The following NPM1 variants were observed in gnomAD, a reference collection of about 807,000 sequenced individuals.
The protein encoded by NPM1 is nucleophosmin.
Under a neutral mutation model 44.1 loss-of-function variants are expected in NPM1, and 1 was observed. The observed-to-expected ratio is 0.02, with a 90% CI of 0.01 to 0.11. The LOEUF is 0.11. Ranked by LOEUF, NPM1 falls within the 10% of genes least tolerant of loss-of-function variation. The pLI, the probability that NPM1 is intolerant of heterozygous loss-of-function variation, is 1.00. For missense variants in NPM1, 197 were observed against 347.8 expected, an observed-to-expected ratio of 0.57 and a Z score of 3.45; for synonymous variants, 126 against 111.8, an observed-to-expected ratio of 1.13 and a Z score of -0.80.
chr5:171,405,960 G>T (rs1771539016), intron 9 of NPM1, among the ~76,000 whole-genome samples: 1 of 152,106 alleles, frequency 6.6e-6, no homozygotes, highest in African/African-American at 2.4e-5. Context: ...GTTTCCTTTT[G>T]TCTTAAATAA....
intron 6 of NPM1, among the ~76,000 whole-genome samples, chr5:171,395,143 G>A (rs779505627): frequency 3.9e-5 from 6 of 152,146 alleles, no homozygotes; most frequent in Non-Finnish European, 7.3e-5. Flanking sequence ...ATGCGCCACC[G>A]TGTTCCATCC....
chr5:171,389,761 A>T (rs1366906693), intron 1 of NPM1, among the ~76,000 whole-genome samples: 1 of 152,246 alleles, frequency 6.6e-6, no homozygotes, highest in African/African-American at 2.4e-5. Context: ...TAATTGCTTC[A>T]GGTTGAGATT....
At chr5:171,392,561 TA>T in intron 4 of NPM1, 148 bp from the exon 5 acceptor site, 1 of 547,070 alleles carries the variant, frequency 1.8e-6, no homozygotes, top group Non-Finnish European at 3.1e-6. Context: ...ATACTTTTGT[TA>T]AAAAGTTCCT....
At chr5:171,408,797 A>G (rs1255209477) in intron 10 of NPM1, among the ~76,000 whole-genome samples, 3 of 152,222 alleles carry the variant, frequency 2.0e-5, no homozygotes. Flanking sequence ...AATAGTGGAA[A>G]GTCAGACATA....
chr5:171,404,203 C>G (rs1377508607), intron 8 of NPM1, among the ~76,000 whole-genome samples: 1 of 104,742 alleles, frequency 9.5e-6, no homozygotes, highest in Admixed American at 9.1e-5. Context: ...CACCTCCCTC[C>G]CAGATAGGGC....
chr5:171,393,799 C>G (rs934523795), intron 6 of NPM1, among the ~76,000 whole-genome samples: 10 of 152,018 alleles, frequency 6.6e-5, no homozygotes, highest in Admixed American at 2.6e-4. Context: ...ACGATGAAGG[C>G]AGAAAACAGG....
At position 171,410,594 on chromosome 5, in the gene NPM1, A is replaced by G. The variant is rs200638434; in HGVS notation, c.*29A>G. 10 of 1,419,444 alleles carry G rather than the reference A, an allele frequency of 7.0e-6. No homozygotes were observed. Among genetic ancestry groups the G allele is most frequent in the African/African-American group, 5.7e-5 (4 of 69,962 alleles). The allele number at this position is 1,419,444 out of a possible 1,614,324, so 87.9% of individuals were successfully genotyped here. On this transcript the variant is annotated 3_prime_UTR_variant, in exon 11 of 11. Transcript: ENST00000296930. The stretch of plus-strand genomic sequence containing the variant: ...AATAGTTTAAACAATTTGTTAAAAA[A>G]TTTTCCGTCTTATTTCATTTCTGTA...
chr5:171,398,361 T>C lies in NPM1; in HGVS notation c.525-1792T>C, dbSNP rs1398375019. 2.6e-5 allele frequency among the ~76,000 whole-genome samples: 4 copies of C among 152,194 alleles called. No individual in the cohort carries two copies. In the East Asian group the frequency reaches 5.8e-4, roughly 22 times the overall value. ...CTTTGTTCCATTTTGAGTAAACTTA[T>C]GTGTATGGTGTGAATGGAGGGGTCT... On this transcript the variant is annotated intron_variant, in intron 6 of 10. Coordinates refer to ENST00000296930, the MANE Select transcript of NPM1 (RefSeq NM_002520.7).
chr5:171,407,378 C>T (rs533436665), intron 9 of NPM1: 17 of 306,438 alleles, frequency 5.5e-5, no homozygotes, highest in Middle Eastern at 9.6e-4. Flanking sequence ...GGGTGATAAC[C>T]GACTTGTTAG....
intron 6 of NPM1, among the ~76,000 whole-genome samples, chr5:171,398,497 G>C (rs888850069): frequency 6.6e-6 from 1 of 152,154 alleles, no homozygotes; most frequent in African/African-American, 2.4e-5. Context: ...ACTTATGGCT[G>C]GGTGTGGTGG....
In NPM1 at chr5:171,392,807, G is replaced by A; in HGVS notation, c.450G>A (p.Lys150=). 6.2e-7 allele frequency: 1 copy of A among 1,613,692 alleles called. No individual in the cohort carries two copies. The highest frequency in any genetic ancestry group is 8.5e-7 in the Non-Finnish European group (1 of 1,179,756). The change falls in exon 5 of 11, where the codon AAG becomes AAA. Residue 150 remains lysine (K), a synonymous_variant. Coordinates refer to ENST00000296930, the MANE Select transcript of NPM1 (RefSeq NM_002520.7). Reference sequence around the variant, plus strand: ...GGTCTGCCCCTGGAGGTGGTAGCAAGGTTCCACAGGTAGAGATGGCAATTT... The same window carrying A: ...GGTCTGCCCCTGGAGGTGGTAGCAAAGTTCCACAGGTAGAGATGGCAATTT... ...GKRSAPGGGS[K]VPQKKVKLAA...
chr5:171,399,236 T>C (rs1771067550), intron 6 of NPM1, among the ~76,000 whole-genome samples: 1 of 151,906 alleles, frequency 6.6e-6, no homozygotes, highest in Admixed American at 6.6e-5. Context: ...TTGGCCTCTT[T>C]GGGTCCCTTA....
intron 8 of NPM1, among the ~76,000 whole-genome samples, chr5:171,402,700 G>A (rs1771277565): frequency 1.4e-5 from 2 of 140,256 alleles, no homozygotes; most frequent in South Asian, 2.5e-4. Context: ...ATTGGATCAT[G>A]GGGTAGATTT....
At chr5:171,398,099 A>C (rs1051238076) in intron 6 of NPM1, among the ~76,000 whole-genome samples, 2 of 151,710 alleles carry the variant, frequency 1.3e-5, no homozygotes, top group Non-Finnish European at 2.9e-5. Context: ...AGAATTCTTT[A>C]TGTATTCTGC....
At chr5:171,399,213 T>C (rs1002355054) in intron 6 of NPM1, among the ~76,000 whole-genome samples, 3 of 152,268 alleles carry the variant, frequency 2.0e-5, no homozygotes, top group African/African-American at 7.2e-5. Flanking sequence ...CTTTCTTCCT[T>C]TCCAGATTGC....
intron 9 of NPM1, chr5:171,406,338 CT>C: frequency 6.8e-7 from 1 of 1,476,700 alleles, no homozygotes; most frequent in South Asian, 1.1e-5. Context: ...AAAATGACAT[CT>C]TTTAGATGCC....
At chr5:171,402,968 A>ATTTTTTTT (rs1771299295) in intron 8 of NPM1, among the ~76,000 whole-genome samples, 2 of 47,192 alleles carry the variant, frequency 4.2e-5, no homozygotes, top group South Asian at 8.3e-4. Context: ...TTTTTTTTTC[A>ATTTTTTTT]TTTTATTTAT....
At chr5:171,408,690 AGT>A (rs1280164707) in intron 10 of NPM1, among the ~76,000 whole-genome samples, 2 of 152,192 alleles carry the variant, frequency 1.3e-5, no homozygotes, top group Admixed American at 6.5e-5. Context: ...TAAAGTTTAA[AGT>A]GTGAGTTTTG....
At chr5:171,395,798 A>AT (rs1053494155) in intron 6 of NPM1, among the ~76,000 whole-genome samples, 3 of 152,176 alleles carry the variant, frequency 2.0e-5, no homozygotes, top group African/African-American at 7.2e-5. Context: ...TGAGGATGGA[A>AT]TGGGTATATG....
Sources: gnomAD v4.1 joint callset for allele counts (sites outside exome capture counted in the v4.1 genomes callset) on GRCh38, gnomAD v4.1.1 for gene constraint, MANE v1.5 for transcripts, NCBI Gene and HGNC (gene_info 2026-07-23, HGNC 2026-07-21) for gene names.